NAF1: variants seen among roughly 807,000 people sequenced by gnomAD.
The protein encoded by NAF1 is nuclear assembly factor 1 ribonucleoprotein, also known as H/ACA ribonucleoprotein complex non-core subunit NAF1.
In NAF1, 11 loss-of-function variants were observed where a neutral mutation model predicts 40.6. The observed-to-expected ratio is 0.27, with a 90% CI of 0.17 to 0.45. NAF1 has a LOEUF of 0.45. Among genes scored for constraint, NAF1 ranks in the 20% least tolerant of loss-of-function variants. NAF1 has a pLI of 1.00. For synonymous variants in NAF1, 260 were observed against 228.5 expected (o/e 1.14, Z -1.24); for missense variants, 607 against 611.1 (o/e 0.99, Z 0.07).
chr4:163,111,184 G>A (rs1363609084), intron 2 of NAF1, among the ~76,000 whole-genome samples: 1 of 151,976 alleles, frequency 6.6e-6, no homozygotes, highest in South Asian at 2.1e-4. Context: ...GACTGATTTG[G>A]TGTTAAAAAA....
intron 2 of NAF1, chr4:163,119,235 A>C (rs1302735557): frequency 6.6e-6 from 1 of 152,218 alleles, no homozygotes; most frequent in Non-Finnish European, 1.5e-5. Context: ...GGACTTGCTC[A>C]GATTTCACTG....
Position 163,166,645 on chromosome 4 carries a change from G to A in NAF1, c.83C>T (p.Ala28Val), listed in dbSNP as rs182355036. 1.7e-3 allele frequency: 2,665 copies of A among 1,612,956 alleles called. 21 individuals are homozygous for A. The highest frequency in any genetic ancestry group is 8.8e-4 in the Non-Finnish European group (1,038 of 1,179,820). ...GTDFGVGEGP[A>V]APSPGSAPVP... ...AGGGGCAGAGCCCGGAGACGGAGCC[G>A]CCGGACCTTCCCCAACTCCAAAGTC... Residue 28 changes from alanine to valine, a missense_variant, in exon 1 of 8, where the codon GCG (alanine) becomes GTG (valine). Coordinates refer to ENST00000274054, the MANE Select transcript of NAF1 (RefSeq NM_138386.3).
chr4:163,148,042 G>GT (rs1239153568), intron 3 of NAF1, among the ~76,000 whole-genome samples: 1 of 152,048 alleles, frequency 6.6e-6, no homozygotes. Context: ...TTGTGCTGCT[G>GT]TAAGTCACTA....
intron 1 of NAF1, 68 bp from the exon 2 acceptor site, chr4:163,164,459 C>G (rs1732368049): frequency 9.0e-7 from 1 of 1,116,368 alleles, no homozygotes; most frequent in African/African-American, 1.7e-5. Context: ...TAAGATTATT[C>G]AATTAAGAAA....
chr4:163,123,815 T>C (rs1405498550), downstream of NAF1, among the ~76,000 whole-genome samples: 2 of 152,336 alleles, frequency 1.3e-5, no homozygotes, highest in Non-Finnish European at 1.5e-5. Flanking sequence ...TACCTTATTA[T>C]ATAGTAAAAG....
intron 2 of NAF1, among the ~76,000 whole-genome samples, chr4:163,152,922 G>C (rs1731779926): frequency 6.6e-6 from 1 of 152,208 alleles, no homozygotes; most frequent in Non-Finnish European, 1.5e-5. Context: ...CATGGGCTTG[G>C]AGGGCCCCGC....
At chr4:163,126,838 G>A, downstream of NAF1, 1 of 1,231,020 alleles carries the variant, frequency 8.1e-7, no homozygotes, top group Non-Finnish European at 1.1e-6. Context: ...TGATTAGTCA[G>A]CGGCCAACAG....
intron 2 of NAF1, among the ~76,000 whole-genome samples, chr4:163,155,422 T>A (rs1731947352): frequency 6.6e-6 from 1 of 152,206 alleles, no homozygotes; most frequent in Non-Finnish European, 1.5e-5. Flanking sequence ...CTAACCTACC[T>A]CTTCAGTCCA....
At chr4:163,126,456 G>C (rs1000391848), downstream of NAF1, among the ~76,000 whole-genome samples, 9 of 152,156 alleles carry the variant, frequency 5.9e-5, no homozygotes, top group African/African-American at 2.2e-4. Flanking sequence ...AAGAGAACTA[G>C]AATTAGAAGT....
intron 7 of NAF1, among the ~76,000 whole-genome samples, chr4:163,132,044 A>G (rs117295532): frequency 0.011 from 1,749 of 152,332 alleles, 125 homozygotes; most frequent in Admixed American, 0.11. Context: ...AATGGCCAAA[A>G]TTAAAAACAG....
intron 1 of NAF1, among the ~76,000 whole-genome samples, chr4:163,165,197 A>T (rs1039791579): frequency 6.6e-6 from 1 of 152,176 alleles, no homozygotes; most frequent in Non-Finnish European, 1.5e-5. Context: ...GCAAGTTAAA[A>T]CAAGAAAAAG....
At chr4:163,141,851 G>C in intron 4 of NAF1, 2 of 661,348 alleles carry the variant, frequency 3.0e-6, no homozygotes, top group South Asian at 1.4e-4. Context: ...ATTTTTGATA[G>C]TAAATGCTCT....
chr4:163,118,840 GACAT>G (rs1181921168), intron 2 of NAF1, among the ~76,000 whole-genome samples: 1 of 152,182 alleles, frequency 6.6e-6, no homozygotes, highest in Non-Finnish European at 1.5e-5. Flanking sequence ...GAACTGTCAT[GACAT>G]ATCTATCCAG....
chr4:163,141,899 A>G (rs1219576408), intron 4 of NAF1: 2 of 960,028 alleles, frequency 2.1e-6, no homozygotes, highest in Non-Finnish European at 2.5e-6. Context: ...TGAATCTTTC[A>G]TTAATTTTCA....
At chr4:163,164,123 T>C in intron 2 of NAF1, 94 bp downstream of exon 2, 1 of 1,332,294 alleles carries the variant, frequency 7.5e-7, no homozygotes, top group Non-Finnish European at 9.6e-7. Flanking sequence ...AAATTTCAAA[T>C]TTATGGAGCA....
chr4:163,152,039 A>G (rs1270241121), intron 2 of NAF1, among the ~76,000 whole-genome samples: 1 of 152,146 alleles, frequency 6.6e-6, no homozygotes, highest in African/African-American at 2.4e-5. Flanking sequence ...CCTTCTTTTC[A>G]ATATTAGTAC....
intron 2 of NAF1, among the ~76,000 whole-genome samples, chr4:163,118,092 G>A (rs1352261343): frequency 1.3e-5 from 2 of 151,992 alleles, no homozygotes; most frequent in African/African-American, 4.8e-5. Context: ...ATAGGTTTAT[G>A]ATACCTTGTG....
At position 163,166,697 on chromosome 4, in the gene NAF1, G is replaced by A; in HGVS notation, c.31C>T (p.Leu11=). 6.2e-7 allele frequency: 1 copy of A among 1,613,804 alleles called. No individual in the cohort carries two copies. The highest frequency in any genetic ancestry group is 8.5e-7 in the Non-Finnish European group (1 of 1,180,022). ...GTGCCATTGAATTTCAGAGTTTCCA[G>A]CTGAGCGGCGGCGGCCTCCACTACC... is the stretch of plus-strand genomic sequence containing the variant. The part of the protein sequence containing the change: MEVVEAAAAQ[L]ETLKFNGTDF... Residue 11 remains leucine (L), a synonymous_variant, in exon 1 of 8, where the codon CTG becomes TTG. Coordinates refer to ENST00000274054, the MANE Select transcript of NAF1 (RefSeq NM_138386.3).
At chr4:163,142,211 G>A (rs1265571791) in intron 4 of NAF1, among the ~76,000 whole-genome samples, 1 of 152,218 alleles carries the variant, frequency 6.6e-6, no homozygotes. Context: ...TATTATTGTA[G>A]TCTTACTTTC....
Sources: gnomAD v4.1 joint callset for allele counts (sites outside exome capture counted in the v4.1 genomes callset) on GRCh38, gnomAD v4.1.1 for gene constraint, MANE v1.5 for transcripts, NCBI Gene and HGNC (gene_info 2026-07-23, HGNC 2026-07-21) for gene names.